Variants in TIAM2 observed in about 807,000 individuals in gnomAD.
TIAM2 encodes the protein TIAM Rac1 associated GEF 2.
In TIAM2, 80 loss-of-function variants were observed where a neutral mutation model predicts 152.9. The ratio of observed to expected loss-of-function variants is 0.52; its 90% CI spans 0.44 to 0.63. The LOEUF is 0.63. TIAM2 is among the 30% of genes least tolerant of loss of function. TIAM2 has a pLI of 0.00. For synonymous variants in TIAM2, 804 were observed against 838.0 expected (o/e 0.96, Z 0.70); for missense variants, 1,965 against 2,120.1 (o/e 0.93, Z 1.44).
intron 22 of TIAM2, among the ~76,000 whole-genome samples, chr6:155,251,706 CAA>C (rs779263093): frequency 2.4e-4 from 36 of 152,272 alleles, no homozygotes; most frequent in Non-Finnish European, 3.7e-4. Context: ...TTCAATAAAA[CAA>C]AGAGTTTAAA....
At chr6:155,159,366 T>C (rs1016395801) in intron 7 of TIAM2, among the ~76,000 whole-genome samples, 1 of 152,194 alleles carries the variant, frequency 6.6e-6, no homozygotes, top group African/African-American at 2.4e-5. Context: ...ACAGGTATCT[T>C]CCTATGAGTC....
Position 155,000,377 on chromosome 6 carries a change from CA to C in TIAM2, c.-209+4890del, listed in dbSNP as rs202182494. 3.6e-3 allele frequency among the ~76,000 whole-genome samples: 554 copies of C among 151,996 alleles called. 6 individuals are homozygous for C. Among genetic ancestry groups the C allele is most frequent in the African/African-American group, 0.012 (517 of 41,512 alleles). ...AGAAACCCCGTCTTTACTAAAAATA[CA>C]AAAATTAGTGGGCGTGGTGGCACAT... On this transcript the variant is annotated intron_variant, in intron 1 of 26. Coordinates refer to ENST00000682666, the MANE Select transcript of TIAM2 (RefSeq NM_012454.4).
rs117162707 is a variant in TIAM2, at chr6:155,133,066, C to T, written c.1194+2649C>T. On this transcript the variant is annotated intron_variant, in intron 4 of 26. Coordinates refer to ENST00000682666, the MANE Select transcript of TIAM2 (RefSeq NM_012454.4). ...TGTGCCTGTAGAGTTAAAAACAAAC[C>T]GGTTAGGGCCGGGTGTGGTGGCTCA... Among the ~76,000 whole-genome samples, 1,180 of 152,260 alleles carry T rather than the reference C, an allele frequency of 7.7e-3. 5 individuals carry two copies. Among genetic ancestry groups the T allele is most frequent in the Admixed American group, 0.02 (305 of 15,298 alleles).
At chr6:155,097,368 GTCT>G (rs1449408650) in intron 2 of TIAM2, among the ~76,000 whole-genome samples, 4 of 151,944 alleles carry the variant, frequency 2.6e-5, no homozygotes, top group South Asian at 2.1e-4. Context: ...TTGAAACAGG[GTCT>G]TCTTCTGTCA....
At chr6:155,148,409 C>G in intron 7 of TIAM2, 75 bp downstream of exon 7, 1 of 1,377,786 alleles carries the variant, frequency 7.3e-7, no homozygotes, top group Non-Finnish European at 1.0e-6. Flanking sequence ...ATGCTGTCAT[C>G]TTGGTGGTAT....
intron 1 of TIAM2, among the ~76,000 whole-genome samples, chr6:155,054,242 G>A (rs1306907437): frequency 6.6e-6 from 1 of 152,126 alleles, no homozygotes; most frequent in Non-Finnish European, 1.5e-5. Flanking sequence ...CATCCCCCCT[G>A]AGAGGCACTC....
intron 1 of TIAM2, among the ~76,000 whole-genome samples, chr6:155,060,182 T>C (rs181601387): frequency 1.3e-5 from 2 of 152,088 alleles, no homozygotes; most frequent in African/African-American, 2.4e-5. Flanking sequence ...GGTGGGCAAA[T>C]CACCTGAGGT....
chr6:155,066,817 G>A (rs907951208), intron 1 of TIAM2, among the ~76,000 whole-genome samples: 3 of 151,942 alleles, frequency 2.0e-5, no homozygotes, highest in African/African-American at 7.3e-5. Flanking sequence ...GTGCAGTGGT[G>A]CGATCTTGGC....
intron 1 of TIAM2, among the ~76,000 whole-genome samples, chr6:155,007,618 G>A (rs2114843926): frequency 6.6e-6 from 1 of 152,276 alleles, no homozygotes; most frequent in East Asian, 1.9e-4. Context: ...ACATCATTTT[G>A]TAATGAATAT....
chr6:155,017,846 C>T (rs1225879181), intron 1 of TIAM2, among the ~76,000 whole-genome samples: 2 of 151,948 alleles, frequency 1.3e-5, no homozygotes, highest in African/African-American at 4.8e-5. Context: ...CTTAGCCTGA[C>T]GTTTTAAGTG....
chr6:155,051,502 C>T (rs185477153), intron 1 of TIAM2, among the ~76,000 whole-genome samples: 58 of 152,338 alleles, frequency 3.8e-4, no homozygotes, highest in Middle Eastern at 3.4e-3. Flanking sequence ...TAAAAATGCA[C>T]TGTTAATAAT....
chr6:155,256,377 CATAAA>C (rs1272144440), intron 26 of TIAM2, 102 bp from the exon 27 acceptor site: 20 of 1,504,154 alleles, frequency 1.3e-5, no homozygotes, highest in Non-Finnish European at 1.5e-5. Context: ...GAAGTCATAT[CATAAA>C]ATAAAATCTT....
At chr6:155,209,160 G>A (rs1323918254) in intron 14 of TIAM2, among the ~76,000 whole-genome samples, 1 of 151,768 alleles carries the variant, frequency 6.6e-6, no homozygotes, top group East Asian at 1.9e-4. Context: ...GTGACCCTTG[G>A]TTGCACTCAT....
In TIAM2 at chr6:155,164,420, G is replaced by A. The variant is rs1032141; in HGVS notation, c.2034G>A (p.Gln678=). The A allele has an allele frequency of 0.62, 979,018 of 1,575,472 alleles. 307,384 individuals are homozygous for A. Among genetic ancestry groups the A allele is most frequent in the Admixed American group, 0.77 (44,848 of 58,348 alleles). ...KNRKAIENQI[Q]QWEQNLEKFH... is the part of the protein sequence containing the mutation. ...ACCTCTGTTTTTGCTTTAAGATCCAGCAATGGGAGCAGAATCTTGAGAAAT... is the reference window on the plus strand; with the variant it reads ...ACCTCTGTTTTTGCTTTAAGATCCAACAATGGGAGCAGAATCTTGAGAAAT... The change falls in exon 8 of 27, where the codon CAG becomes CAA. Residue 678 remains glutamine, a synonymous_variant. Transcript: ENST00000682666.
At chr6:155,071,989 T>C (rs1777849815) in intron 1 of TIAM2, among the ~76,000 whole-genome samples, 1 of 152,000 alleles carries the variant, frequency 6.6e-6, no homozygotes, top group Non-Finnish European at 1.5e-5. Context: ...CTGAAGTGGC[T>C]CTTAAGAATG....
At chr6:155,044,796 C>A (rs1029353635) in intron 1 of TIAM2, among the ~76,000 whole-genome samples, 6 of 151,696 alleles carry the variant, frequency 4.0e-5, no homozygotes, top group Non-Finnish European at 7.4e-5. Context: ...ACGGTGCACT[C>A]CAGCCTGGGC....
intron 1 of TIAM2, among the ~76,000 whole-genome samples, chr6:155,079,966 A>C (rs912541181): frequency 6.6e-6 from 1 of 152,066 alleles, no homozygotes; most frequent in Non-Finnish European, 1.5e-5. Context: ...AAAACAAAAA[A>C]CATAACCCCA....
chr6:155,137,662 C>G, intron 5 of TIAM2, 50 bp downstream of exon 5: 27 of 1,505,508 alleles, frequency 1.8e-5, no homozygotes, highest in Non-Finnish European at 2.4e-5. Context: ...TTCCGCCAGC[C>G]GTGCTCTTTG....
At chr6:155,119,017 C>T (rs1779087882) in intron 2 of TIAM2, among the ~76,000 whole-genome samples, 2 of 151,094 alleles carry the variant, frequency 1.3e-5, no homozygotes, top group Admixed American at 1.3e-4. Flanking sequence ...CAATGACTTC[C>T]CTTCCCTTCC....
Sources: gnomAD v4.1 joint callset for allele counts (sites outside exome capture counted in the v4.1 genomes callset) on GRCh38, gnomAD v4.1.1 for gene constraint, MANE v1.5 for transcripts, NCBI Gene and HGNC (gene_info 2026-07-23, HGNC 2026-07-21) for gene names.